GALNT7: variants seen among roughly 807,000 people sequenced by gnomAD.
GALNT7 encodes polypeptide N-acetylgalactosaminyltransferase 7, also known as N-acetylgalactosaminyltransferase 7.
Under a neutral mutation model 82.1 loss-of-function variants are expected in GALNT7, and 60 were observed. The observed-to-expected ratio is 0.73, with a 90% CI of 0.59 to 0.91. The LOEUF (loss-of-function observed/expected upper bound fraction) is 0.91. Among genes scored for constraint, GALNT7 ranks in the 40% least tolerant of loss-of-function variants. The probability of loss-of-function intolerance (pLI) is 0.00; values close to 1 mark genes in which losing one functional copy is unlikely to be tolerated. For synonymous variants in GALNT7, 243 were observed against 275.1 expected, an observed-to-expected ratio of 0.88 and a Z score of 1.15; for missense variants, 660 against 804.2, an observed-to-expected ratio of 0.82 and a Z score of 2.17.
chr4:173,271,543 G>A (rs2126789387), intron 2 of GALNT7, among the ~76,000 whole-genome samples: 1 of 152,192 alleles, frequency 6.6e-6, no homozygotes, highest in East Asian at 1.9e-4. Flanking sequence ...AACTTCCTCT[G>A]CCTCCTGGGT....
At chr4:173,254,299 T>G (rs1274783199) in intron 2 of GALNT7, among the ~76,000 whole-genome samples, 1 of 152,240 alleles carries the variant, frequency 6.6e-6, no homozygotes, top group Admixed American at 6.5e-5. Flanking sequence ...AAATAAATAT[T>G]AATTCTTATA....
chr4:173,275,373 T>C (rs1161097737), intron 2 of GALNT7, among the ~76,000 whole-genome samples: 1 of 152,146 alleles, frequency 6.6e-6, no homozygotes, highest in Non-Finnish European at 1.5e-5. Context: ...GGAACTGAGA[T>C]AAGAAAGGTG....
intron 2 of GALNT7, among the ~76,000 whole-genome samples, chr4:173,258,992 TTGTAGGA>T (rs1735150964): frequency 6.6e-6 from 1 of 152,222 alleles, no homozygotes; most frequent in African/African-American, 2.4e-5. Flanking sequence ...GTCCTGTACA[TTGTAGGA>T]TGTTTAGCAG....
intron 1 of GALNT7, among the ~76,000 whole-genome samples, chr4:173,192,071 C>CA (rs1289864583): frequency 2.0e-5 from 3 of 152,140 alleles, no homozygotes; most frequent in South Asian, 4.2e-4. Context: ...GCTTGTCTTT[C>CA]AAAGTAGGAC....
At chr4:173,297,674 A>G (rs1227752360) in intron 5 of GALNT7, 1 of 473,308 alleles carries the variant, frequency 2.1e-6, no homozygotes, top group Non-Finnish European at 3.6e-6. Context: ...TCTATTTCCC[A>G]TTAGATATTA....
chr4:173,178,052 T>TGTGCGTGCGCGC (rs563102408), intron 1 of GALNT7, among the ~76,000 whole-genome samples: 30 of 129,514 alleles, frequency 2.3e-4, no homozygotes, highest in South Asian at 1.8e-3. Flanking sequence ...TGTGTGTGTG[T>TGTGCGTGCGCGC]GCGCGCACGC....
At chr4:173,294,037 C>T (rs1211648531) in intron 3 of GALNT7, among the ~76,000 whole-genome samples, 2 of 152,172 alleles carry the variant, frequency 1.3e-5, no homozygotes, top group Admixed American at 6.5e-5. Flanking sequence ...GCCCTTAACA[C>T]AGTGTACCAC....
chr4:173,306,162 C>T (rs1041514689), intron 8 of GALNT7, among the ~76,000 whole-genome samples: 4 of 151,682 alleles, frequency 2.6e-5, no homozygotes, highest in African/African-American at 9.7e-5. Flanking sequence ...GGATTGTTTT[C>T]TTAGTTTGTT....
At chr4:173,202,114 G>C (rs1051205709) in intron 1 of GALNT7, among the ~76,000 whole-genome samples, 1 of 152,048 alleles carries the variant, frequency 6.6e-6, no homozygotes, top group Non-Finnish European at 1.5e-5. Context: ...TAGCAATATT[G>C]ATATTGTATA....
chr4:173,249,212 A>G (rs1160596413), intron 2 of GALNT7, among the ~76,000 whole-genome samples: 1 of 152,314 alleles, frequency 6.6e-6, no homozygotes, highest in Admixed American at 6.5e-5. Context: ...CTACTAGAAA[A>G]CACTCAAAAT....
chr4:173,297,970 C>A (rs1415165494), intron 5 of GALNT7, 145 bp from the exon 6 acceptor site: 2 of 1,482,004 alleles, frequency 1.3e-6, no homozygotes, highest in South Asian at 2.8e-5. Context: ...TAAAACTGAA[C>A]CTTATCGGTA....
At chr4:173,289,466 G>A (rs982851655) in intron 2 of GALNT7, among the ~76,000 whole-genome samples, 1 of 152,198 alleles carries the variant, frequency 6.6e-6, no homozygotes, top group Non-Finnish European at 1.5e-5. Flanking sequence ...GTGGATTGCC[G>A]AGTTACAGCT....
chr4:173,321,551 T>A (rs1737817910), intron 11 of GALNT7, 29 bp from the exon 12 acceptor site: 1 of 1,588,216 alleles, frequency 6.3e-7, no homozygotes, highest in African/African-American at 1.3e-5. Flanking sequence ...GGTCCAAATT[T>A]GAAACTTTTT....
At chr4:173,215,599 AG>A (rs1318952859) in intron 1 of GALNT7, among the ~76,000 whole-genome samples, 1 of 151,862 alleles carries the variant, frequency 6.6e-6, no homozygotes, top group Non-Finnish European at 1.5e-5. Flanking sequence ...GAGCTGGGGG[AG>A]GGCCCGTTGT....
intron 1 of GALNT7, among the ~76,000 whole-genome samples, chr4:173,220,674 C>G (rs1251171094): frequency 1.6e-5 from 2 of 128,900 alleles, no homozygotes; most frequent in Non-Finnish European, 3.2e-5. Flanking sequence ...ACAACAGTCC[C>G]CAGAGTGTGA....
intron 1 of GALNT7, 48 bp from the exon 2 acceptor site, chr4:173,247,932 G>T: frequency 8.1e-7 from 1 of 1,231,824 alleles, no homozygotes; most frequent in Non-Finnish European, 1.2e-6. Context: ...CTCTACTGTG[G>T]TGGTTTGCCT....
intron 2 of GALNT7, among the ~76,000 whole-genome samples, chr4:173,262,761 C>G (rs1412332281): frequency 7.1e-6 from 1 of 141,832 alleles, no homozygotes; most frequent in Non-Finnish European, 1.6e-5. Context: ...CCTTGACACA[C>G]CCATCATAGT....
intron 1 of GALNT7, among the ~76,000 whole-genome samples, chr4:173,243,221 T>C (rs11933771): frequency 0.013 from 1,925 of 152,296 alleles, 26 homozygotes; most frequent in South Asian, 0.025. Flanking sequence ...GGCATGGCCA[T>C]CTTGGAAAAA....
intron 2 of GALNT7, among the ~76,000 whole-genome samples, chr4:173,275,655 G>C (rs1202289190): frequency 6.6e-6 from 1 of 152,088 alleles, no homozygotes; most frequent in Non-Finnish European, 1.5e-5. Flanking sequence ...TCTGGTACTA[G>C]CCCTGCTGTT....
Sources: gnomAD v4.1 joint callset for allele counts (sites outside exome capture counted in the v4.1 genomes callset) on GRCh38, gnomAD v4.1.1 for gene constraint, MANE v1.5 for transcripts, NCBI Gene and HGNC (gene_info 2026-07-23, HGNC 2026-07-21) for gene names.